The following CNTNAP2 variants were observed in gnomAD, a reference collection of about 807,000 sequenced individuals.
CNTNAP2 encodes contactin-associated protein-like 2.
In CNTNAP2, 98 loss-of-function variants were observed where a neutral mutation model predicts 155.2. That is an observed-to-expected ratio of 0.63 (90% CI 0.54 to 0.75). The LOEUF (loss-of-function observed/expected upper bound fraction) is 0.75. CNTNAP2 is among the 30% of genes least tolerant of loss of function. The pLI is 0.00. For synonymous variants in CNTNAP2, 651 were observed against 631.2 expected (o/e 1.03, Z -0.47); for missense variants, 1,727 against 1,688.1 (o/e 1.02, Z -0.40).
At chr7:147,669,360 C>A (rs942662306) in intron 13 of CNTNAP2, among the ~76,000 whole-genome samples, 1 of 152,294 alleles carries the variant, frequency 6.6e-6, no homozygotes, top group African/African-American at 2.4e-5. Context: ...ATCTATATTA[C>A]TATGTTAAAA....
At chr7:148,041,397 C>T (rs1320612640) in intron 15 of CNTNAP2, among the ~76,000 whole-genome samples, 1 of 152,176 alleles carries the variant, frequency 6.6e-6, no homozygotes, top group Non-Finnish European at 1.5e-5. Flanking sequence ...TTGTAAGGCA[C>T]CAACTTGAAA....
intron 13 of CNTNAP2, among the ~76,000 whole-genome samples, chr7:147,690,735 A>T (rs1796076078): frequency 6.6e-6 from 1 of 151,614 alleles, no homozygotes; most frequent in Non-Finnish European, 1.5e-5. Context: ...CATTTATAAA[A>T]CTTTTAAAGT....
At chr7:146,989,235 G>C (rs1236704415) in intron 3 of CNTNAP2, among the ~76,000 whole-genome samples, 2 of 152,052 alleles carry the variant, frequency 1.3e-5, no homozygotes, top group African/African-American at 4.8e-5. Flanking sequence ...ATTGGGAAGA[G>C]ATAAAACTTG....
At chr7:146,741,580 C>A (rs1420517662) in intron 1 of CNTNAP2, among the ~76,000 whole-genome samples, 1 of 151,910 alleles carries the variant, frequency 6.6e-6, no homozygotes, top group East Asian at 1.9e-4. Context: ...AATAGCTGTT[C>A]CCGAAAAGAC....
At chr7:148,022,040 C>T (rs1802287939) in intron 15 of CNTNAP2, among the ~76,000 whole-genome samples, 1 of 152,168 alleles carries the variant, frequency 6.6e-6, no homozygotes, top group Non-Finnish European at 1.5e-5. Flanking sequence ...TGCTCTCTCT[C>T]CCTGGACACT....
chr7:147,465,800 A>C (rs1293653222), intron 10 of CNTNAP2, among the ~76,000 whole-genome samples: 1 of 152,184 alleles, frequency 6.6e-6, no homozygotes, highest in Non-Finnish European at 1.5e-5. Context: ...TGCTAATTGA[A>C]TGTCTTCCCT....
intron 2 of CNTNAP2, among the ~76,000 whole-genome samples, chr7:146,790,465 T>C (rs1802649883): frequency 6.6e-6 from 1 of 152,124 alleles, no homozygotes; most frequent in African/African-American, 2.4e-5. Context: ...CATCAGGACT[T>C]GAGAGGAAAT....
intron 13 of CNTNAP2, among the ~76,000 whole-genome samples, chr7:147,814,146 G>C (rs769291065): frequency 1.3e-5 from 2 of 151,954 alleles, no homozygotes; most frequent in Non-Finnish European, 2.9e-5. Context: ...ATCTTCCAAG[G>C]AATTTACAGG....
intron 3 of CNTNAP2, among the ~76,000 whole-genome samples, chr7:146,931,614 CA>C (rs1206818763): frequency 2.3e-4 from 34 of 150,538 alleles, no homozygotes; most frequent in Admixed American, 6.0e-4. Flanking sequence ...AATAGAGACA[CA>C]AAAAACCCTT....
intron 10 of CNTNAP2, among the ~76,000 whole-genome samples, chr7:147,425,999 T>C (rs1797372041): frequency 6.6e-6 from 1 of 152,166 alleles, no homozygotes; most frequent in Admixed American, 6.5e-5. Context: ...TATAGTTCTA[T>C]GTCATTTCCC....
At chr7:146,875,914 A>ACG (rs1236662311) in intron 3 of CNTNAP2, among the ~76,000 whole-genome samples, 1 of 129,328 alleles carries the variant, frequency 7.7e-6, no homozygotes, top group Non-Finnish European at 1.6e-5. Context: ...ACGCACACAC[A>ACG]CACACACACA....
chr7:147,947,542 T>C (rs1004816502), intron 14 of CNTNAP2, among the ~76,000 whole-genome samples: 1 of 151,316 alleles, frequency 6.6e-6, no homozygotes, highest in Non-Finnish European at 1.5e-5. Flanking sequence ...GTGGGAAGAA[T>C]TGCTTAAGCC....
At chr7:147,030,843 C>A (rs1194665815) in intron 3 of CNTNAP2, among the ~76,000 whole-genome samples, 1 of 152,100 alleles carries the variant, frequency 6.6e-6, no homozygotes, top group Non-Finnish European at 1.5e-5. Context: ...GTGATTACAC[C>A]ACTGCACTTC....
chr7:147,192,012 T>C (rs1308268582), intron 8 of CNTNAP2, among the ~76,000 whole-genome samples: 1 of 152,216 alleles, frequency 6.6e-6, no homozygotes, highest in Non-Finnish European at 1.5e-5. Context: ...TAAACATGAT[T>C]ATAATGTACA....
intron 3 of CNTNAP2, among the ~76,000 whole-genome samples, chr7:147,019,369 C>T (rs1324933316): frequency 6.6e-6 from 1 of 151,954 alleles, no homozygotes; most frequent in African/African-American, 2.4e-5. Flanking sequence ...TGATATACGA[C>T]ATTTTTCTCT....
At chr7:148,042,473 A>G (rs1013731264) in intron 15 of CNTNAP2, among the ~76,000 whole-genome samples, 4 of 152,024 alleles carry the variant, frequency 2.6e-5, no homozygotes, top group African/African-American at 9.7e-5. Flanking sequence ...TCATTATCCT[A>G]AAGGACAGAC....
At chr7:146,354,967 C>G (rs924145832) in intron 1 of CNTNAP2, among the ~76,000 whole-genome samples, 11 of 152,188 alleles carry the variant, frequency 7.2e-5, no homozygotes, top group African/African-American at 2.4e-4. Flanking sequence ...GTGTGTCCTA[C>G]TTGGCAGTGG....
At chr7:147,985,146 A>G (rs1351600336) in intron 15 of CNTNAP2, among the ~76,000 whole-genome samples, 1 of 146,828 alleles carries the variant, frequency 6.8e-6, no homozygotes, top group Non-Finnish European at 1.5e-5. Flanking sequence ...AAATAAATAA[A>G]TAACTATTTA....
At chr7:147,771,315 A>C (rs1334477332) in intron 13 of CNTNAP2, among the ~76,000 whole-genome samples, 1 of 152,244 alleles carries the variant, frequency 6.6e-6, no homozygotes, top group African/African-American at 2.4e-5. Context: ...AAAAAAGCAC[A>C]CATCATAAGG....
Sources: allele counts gnomAD v4.1 joint callset (sites outside exome capture counted in the v4.1 genomes callset), GRCh38; gene constraint gnomAD v4.1.1; transcripts MANE v1.5; gene names NCBI Gene and HGNC (gene_info 2026-07-23, HGNC 2026-07-21).